The following SHISAL2A variants were observed in gnomAD, a reference collection of about 807,000 sequenced individuals.
SHISAL2A encodes shisa like 2A.
SHISAL2A carries 18 observed loss-of-function variants against 11.5 expected under a neutral mutation model. That is an observed-to-expected ratio of 1.57 (90% CI 1.08 to 2.33). SHISAL2A has a LOEUF of 2.33. Ranked by LOEUF, SHISAL2A falls within the 30% of genes most tolerant of loss-of-function variation. The pLI, the probability that SHISAL2A is intolerant of heterozygous loss-of-function variation, is 0.00. For missense variants in SHISAL2A, 261 were observed against 250.9 expected, an observed-to-expected ratio of 1.04 and a Z score of -0.27; for synonymous variants, 94 against 99.6, an observed-to-expected ratio of 0.94 and a Z score of 0.34.
chr1:52,637,539 G>A (rs554863252), intron 1 of SHISAL2A, among the ~76,000 whole-genome samples: 13 of 152,320 alleles, frequency 8.5e-5, no homozygotes, highest in Admixed American at 3.3e-4. Flanking sequence ...CTGTCACACC[G>A]TCTGGTCCAC....
At chr1:52,659,706 G>T (rs142577695), downstream of SHISAL2A, 5 of 152,312 alleles carry the variant, frequency 3.3e-5, no homozygotes, top group African/African-American at 1.2e-4. Flanking sequence ...TTGTATATAT[G>T]TGGTGGGGCT....
chr1:52,663,358 A>G (rs942365634), intron 4 of SHISAL2A, among the ~76,000 whole-genome samples: 54 of 152,276 alleles, frequency 3.5e-4, no homozygotes, highest in African/African-American at 1.3e-3. Flanking sequence ...CCCTCCCCGC[A>G]ACCACCCCTC....
intron 2 of SHISAL2A, among the ~76,000 whole-genome samples, chr1:52,651,507 G>A (rs984755934): frequency 3.9e-5 from 6 of 152,258 alleles, no homozygotes; most frequent in Admixed American, 6.5e-5. Context: ...AAAGTGCTGG[G>A]ATTGCAGGTG....
downstream of SHISAL2A, among the ~76,000 whole-genome samples, chr1:52,660,366 G>A (rs757316203): frequency 3.3e-5 from 5 of 152,128 alleles, no homozygotes; most frequent in African/African-American, 7.2e-5. Context: ...GCTCAGAGCC[G>A]GCTGTCACTG....
chr1:52,637,208 A>G (rs916074490), intron 1 of SHISAL2A, among the ~76,000 whole-genome samples: 6 of 152,236 alleles, frequency 3.9e-5, no homozygotes, highest in Non-Finnish European at 8.8e-5. Context: ...GGACTCAGAC[A>G]TAATGTGATT....
downstream of SHISAL2A, among the ~76,000 whole-genome samples, chr1:52,657,493 TA>T (rs1290362115): frequency 6.6e-6 from 1 of 151,510 alleles, no homozygotes; most frequent in Non-Finnish European, 1.5e-5. Context: ...AGAGAGGGAG[TA>T]TGTTGTGCAC....
At chr1:52,656,707 G>A (rs1233612543) in intron 2 of SHISAL2A, 83 bp from the exon 3 acceptor site, 1 of 1,469,872 alleles carries the variant, frequency 6.8e-7, no homozygotes, top group African/African-American at 1.4e-5. Flanking sequence ...ACTGCCCAAG[G>A]TAAGCACCAG....
chr1:52,663,082 G>A (rs1267571698), intron 4 of SHISAL2A, among the ~76,000 whole-genome samples: 1 of 152,138 alleles, frequency 6.6e-6, no homozygotes, highest in East Asian at 1.9e-4. Context: ...GCTGCTGTAG[G>A]TTACCATGGA....
rs376758525 is a variant in SHISAL2A, at chr1:52,651,430, T to A, written c.323-5360T>A. On this transcript the variant is annotated intron_variant, in intron 2 of 2. Coordinates refer to ENST00000517870, the MANE Select transcript of SHISAL2A (RefSeq NM_001042693.3). ...ATTTGTATTTTTAGTAGAGACGGGG[T>A]TTCACCATCTTGGCCAGAGGCTGGT... Among the ~76,000 whole-genome samples, 13 of 151,956 alleles carry A rather than the reference T, an allele frequency of 8.6e-5. No homozygotes were observed. In the East Asian group the frequency reaches 9.7e-4, roughly 11 times the overall value.
At chr1:52,657,190 T>C (rs1691809862), downstream of SHISAL2A, 2 of 1,099,532 alleles carry the variant, frequency 1.8e-6, no homozygotes, top group African/African-American at 1.6e-5. Context: ...CATACTGTTC[T>C]GCTTGGCCTA....
downstream of SHISAL2A, among the ~76,000 whole-genome samples, chr1:52,660,569 G>A (rs963476795): frequency 6.6e-6 from 1 of 152,198 alleles, no homozygotes; most frequent in Non-Finnish European, 1.5e-5. Flanking sequence ...TCCCGGTTAT[G>A]TTCAGAACAT....
chr1:52,663,351 T>C (rs1387904002), intron 4 of SHISAL2A, among the ~76,000 whole-genome samples: 2 of 152,130 alleles, frequency 1.3e-5, no homozygotes, highest in African/African-American at 4.8e-5. Flanking sequence ...TCCTCCGCCC[T>C]CCCCGCAACC....
Position 52,640,961 on chromosome 1 carries a change from A to G in SHISAL2A, c.183-1902A>G, listed in dbSNP as rs566929259. 1.8e-4 allele frequency among the ~76,000 whole-genome samples: 28 copies of G among 152,214 alleles called. No homozygotes were observed. The East Asian group carries it at 2.3e-3, about 13-fold the overall frequency. ...GGCCCAGAGGTTGAGTTGATCACCAATGGTAATCAATCATGCCTATGTAAT... is the reference window on the plus strand; with the variant it reads ...GGCCCAGAGGTTGAGTTGATCACCAGTGGTAATCAATCATGCCTATGTAAT... On this transcript the variant is annotated intron_variant, in intron 1 of 2. Coordinates refer to ENST00000517870, the MANE Select transcript of SHISAL2A (RefSeq NM_001042693.3).
At chr1:52,651,613 C>T (rs1328272873) in intron 2 of SHISAL2A, among the ~76,000 whole-genome samples, 1 of 152,048 alleles carries the variant, frequency 6.6e-6, no homozygotes, top group Non-Finnish European at 1.5e-5. Context: ...GTTGCCATCT[C>T]GGCTCACTGC....
intron 2 of SHISAL2A, among the ~76,000 whole-genome samples, chr1:52,653,246 C>T (rs1431271629): frequency 3.3e-5 from 4 of 121,868 alleles, no homozygotes; most frequent in African/African-American, 6.4e-5. Flanking sequence ...CCCAGGAGTT[C>T]GAGATCATTC....
At chr1:52,667,703 A>G (rs1358595848) in intron 5 of SHISAL2A, 3 of 151,984 alleles carry the variant, frequency 2.0e-5, no homozygotes, top group African/African-American at 4.8e-5. Flanking sequence ...TGCAGAATCC[A>G]CTCTATCACG....
At chr1:52,635,710 C>T (rs1231344662) in intron 1 of SHISAL2A, among the ~76,000 whole-genome samples, 1 of 152,132 alleles carries the variant, frequency 6.6e-6, no homozygotes. Context: ...ATAATTCTAA[C>T]CTTGTGGTTA....
At position 52,645,962 on chromosome 1, in the gene SHISAL2A, C is replaced by G. The variant is rs180716696; in HGVS notation, c.322+2960C>G. ...AAAGAAGAGGAGGGACTTGCTCTAT[C>G]AGGCAGCAGGACATTTTTTAAAATA... is the stretch of plus-strand genomic sequence containing the variant. On this transcript the variant is annotated intron_variant, in intron 2 of 2. Coordinates refer to ENST00000517870, the MANE Select transcript of SHISAL2A (RefSeq NM_001042693.3). 2.6e-5 allele frequency among the ~76,000 whole-genome samples: 4 copies of G among 152,316 alleles called. No individual in the cohort carries two copies. In the East Asian group the frequency reaches 5.8e-4, roughly 22 times the overall value.
intron 1 of SHISAL2A, among the ~76,000 whole-genome samples, chr1:52,638,898 G>T (rs977594583): frequency 1.1e-4 from 16 of 152,204 alleles, no homozygotes; most frequent in Admixed American, 7.9e-4. Flanking sequence ...AGACAAAGAG[G>T]TAACAGCTGT....
Sources: gnomAD v4.1 joint callset for allele counts (sites outside exome capture counted in the v4.1 genomes callset) on GRCh38, gnomAD v4.1.1 for gene constraint, MANE v1.5 for transcripts, NCBI Gene and HGNC (gene_info 2026-07-23, HGNC 2026-07-21) for gene names.